The following RIN2 variants were observed in gnomAD, a reference collection of about 807,000 sequenced individuals.
RIN2 encodes the protein Ras and Rab interactor 2.
A neutral mutation model predicts 78.0 loss-of-function variants in RIN2; 36 were observed. That is an observed-to-expected ratio of 0.46 (90% CI 0.35 to 0.61). The LOEUF is 0.61. Among genes scored for constraint, RIN2 ranks in the 20% least tolerant of loss-of-function variants. The probability of loss-of-function intolerance (pLI) is 0.00; values close to 1 mark genes in which losing one functional copy is unlikely to be tolerated. For missense variants in RIN2, 1,087 were observed against 1,159.7 expected, an observed-to-expected ratio of 0.94 and a Z score of 0.91; for synonymous variants, 466 against 466.8, an observed-to-expected ratio of 1.00 and a Z score of 0.02.
At chr20:19,839,929 C>A (rs1426945215) in intron 2 of RIN2, among the ~76,000 whole-genome samples, 5 of 152,052 alleles carry the variant, frequency 3.3e-5, no homozygotes, top group Non-Finnish European at 7.4e-5. Context: ...AGCAGTAAAG[C>A]CTTAGAACTG....
intron 2 of RIN2, among the ~76,000 whole-genome samples, chr20:19,832,386 C>T (rs1274834157): frequency 1.3e-5 from 2 of 149,460 alleles, no homozygotes; most frequent in African/African-American, 2.5e-5. Flanking sequence ...CTCTCCCCAC[C>T]TCCCTAGACT....
chr20:19,935,876 A>G (rs763726108), intron 4 of RIN2, among the ~76,000 whole-genome samples: 11 of 152,152 alleles, frequency 7.2e-5, no homozygotes, highest in Non-Finnish European at 1.5e-4. Flanking sequence ...TAACAATATA[A>G]TGGCTATAAA....
At chr20:19,851,053 A>AAGG (rs2036960266) in intron 2 of RIN2, among the ~76,000 whole-genome samples, 39 of 35,568 alleles carry the variant, frequency 1.1e-3, no homozygotes, top group African/African-American at 3.9e-3. Flanking sequence ...AAGGAAGGAG[A>AAGG]AAGAAAGGAA....
At chr20:19,765,844 G>GA (rs1329492219) in intron 1 of RIN2, among the ~76,000 whole-genome samples, 1 of 152,076 alleles carries the variant, frequency 6.6e-6, no homozygotes, top group Admixed American at 6.5e-5. Flanking sequence ...TAATGTTGTT[G>GA]AAGGAAGGTG....
chr20:19,924,462 TCACCTTCATACCCC>T (rs1159561920), intron 3 of RIN2, among the ~76,000 whole-genome samples: 1 of 3,196 alleles, frequency 3.1e-4, no homozygotes, highest in Non-Finnish European at 5.9e-4. Flanking sequence ...CTTCATACCC[TCACCTTCATACCCC>T]CACCTTCATA....
chr20:19,943,637 A>G (rs902368334), intron 4 of RIN2, among the ~76,000 whole-genome samples: 3 of 152,176 alleles, frequency 2.0e-5, no homozygotes, highest in African/African-American at 7.2e-5. Flanking sequence ...GAAACTCCCT[A>G]AGTCGGAAAA....
At chr20:19,992,385 A>G in intron 11 of RIN2, 86 bp downstream of exon 11, 1 of 1,311,486 alleles carries the variant, frequency 7.6e-7, no homozygotes, top group South Asian at 1.5e-5. Flanking sequence ...GTCACATAAC[A>G]TTAATCATTT....
At chr20:19,840,667 G>A (rs2036551673) in intron 2 of RIN2, among the ~76,000 whole-genome samples, 2 of 152,138 alleles carry the variant, frequency 1.3e-5, no homozygotes, top group South Asian at 4.1e-4. Flanking sequence ...GCCTTGAAGT[G>A]CTGGGAGAAC....
chr20:19,916,673 A>T (rs1198198189), intron 3 of RIN2, among the ~76,000 whole-genome samples: 1 of 152,246 alleles, frequency 6.6e-6, no homozygotes. Flanking sequence ...CCCTAAAGCC[A>T]GTAGGTTTGG....
Position 19,795,432 on chromosome 20 carries a change from G to T in RIN2, c.-162-4190G>T, listed in dbSNP as rs186582822. 2.6e-3 allele frequency among the ~76,000 whole-genome samples: 396 copies of T among 152,208 alleles called. 3 individuals are homozygous for T. The highest frequency in any genetic ancestry group is 9.0e-3 in the African/African-American group (373 of 41,538). On this transcript the variant is annotated intron_variant, in intron 1 of 12. Transcript: ENST00000255006. ...AAGTTGACCAGTAGCATTTTGCCTG[G>T]TGAGTTTTTTTTCCCCTCAGGTCCT...
intron 3 of RIN2, among the ~76,000 whole-genome samples, chr20:19,926,817 G>A (rs1294616466): frequency 1.3e-5 from 2 of 152,222 alleles, no homozygotes; most frequent in Non-Finnish European, 2.9e-5. Context: ...TCCTGAATGA[G>A]ACTTGGAATT....
At chr20:19,758,663 A>C (rs1025538457) in intron 1 of RIN2, among the ~76,000 whole-genome samples, 9 of 152,098 alleles carry the variant, frequency 5.9e-5, no homozygotes, top group African/African-American at 2.2e-4. Flanking sequence ...TGCAGGCACT[A>C]TGGCTCGAGG....
intron 2 of RIN2, among the ~76,000 whole-genome samples, chr20:19,813,356 C>T (rs1360810137): frequency 3.9e-5 from 6 of 152,254 alleles, no homozygotes; most frequent in Admixed American, 3.9e-4. Context: ...GCTTGTACTT[C>T]ATGGCTTCTT....
In RIN2 at chr20:19,975,719, A is replaced by G; in HGVS notation, c.1694A>G (p.Lys565Arg). 2 of 1,613,588 alleles carry G rather than the reference A, an allele frequency of 1.2e-6. No individual in the cohort carries two copies. The highest frequency in any genetic ancestry group is 1.7e-6 in the Non-Finnish European group (2 of 1,179,852). The change falls in exon 9 of 13, where the codon AAG becomes AGG. Residue 565 changes from lysine to arginine, a missense_variant. Lys to Arg is a conservative substitution (Grantham distance 26, BLOSUM62 2). Transcript: ENST00000255006. This position sits in a 1 kb window ranked among gnomAD's most constrained non-coding sequence, Gnocchi z 4.9. Reference sequence around the variant, plus strand: ...ATCCGGCAGTTCATGACCCAGGTCAAGAACTATTTGTCTCAGAGCTCGGAG... The same window carrying G: ...ATCCGGCAGTTCATGACCCAGGTCAGGAACTATTTGTCTCAGAGCTCGGAG... ...QTIRQFMTQV[K>R]NYLSQSSELD... is the part of the protein sequence containing the mutation.
At chr20:19,937,841 C>A (rs937228404) in intron 4 of RIN2, among the ~76,000 whole-genome samples, 1 of 152,166 alleles carries the variant, frequency 6.6e-6, no homozygotes, top group Admixed American at 6.5e-5. Flanking sequence ...AACGGTGAAA[C>A]CTCTGTGGTT....
At chr20:19,871,639 T>C (rs1318258506) in intron 2 of RIN2, among the ~76,000 whole-genome samples, 1 of 152,160 alleles carries the variant, frequency 6.6e-6, no homozygotes, top group Non-Finnish European at 1.5e-5. Context: ...AGGGCATGCA[T>C]TGCCACGTGT....
chr20:19,769,909 A>G (rs1031706814), intron 1 of RIN2, among the ~76,000 whole-genome samples: 7 of 152,266 alleles, frequency 4.6e-5, no homozygotes, highest in African/African-American at 7.2e-5. Context: ...TCAATAAACA[A>G]TAAAAATAAT....
At chr20:19,854,911 G>C (rs1450443973) in intron 2 of RIN2, among the ~76,000 whole-genome samples, 4 of 152,204 alleles carry the variant, frequency 2.6e-5, no homozygotes, top group Non-Finnish European at 5.9e-5. Flanking sequence ...GAACTTCCAA[G>C]GCTATGTTGA....
At chr20:19,867,972 C>A (rs2037560744) in intron 2 of RIN2, among the ~76,000 whole-genome samples, 1 of 152,238 alleles carries the variant, frequency 6.6e-6, no homozygotes, top group Non-Finnish European at 1.5e-5. Context: ...GCAGCCTGTT[C>A]TGTGGCTGGG....
Sources: allele counts gnomAD v4.1 joint callset (sites outside exome capture counted in the v4.1 genomes callset), GRCh38; gene constraint gnomAD v4.1.1; non-coding constraint Gnocchi (gnomAD v3.1); transcripts MANE v1.5; gene names NCBI Gene and HGNC (gene_info 2026-07-23, HGNC 2026-07-21).